Variants in PCDH7 observed in about 807,000 individuals in gnomAD.
The protein encoded by PCDH7 is protocadherin-7.
PCDH7 carries 17 observed loss-of-function variants against 58.9 expected under a neutral mutation model. The ratio of observed to expected loss-of-function variants is 0.29; its 90% CI spans 0.20 to 0.43. The LOEUF is 0.43. PCDH7 is among the 20% of genes least tolerant of loss of function. The probability of loss-of-function intolerance (pLI) is 1.00; values close to 1 mark genes in which losing one functional copy is unlikely to be tolerated. For synonymous variants in PCDH7, 664 were observed against 616.4 expected (o/e 1.08, Z -1.14); for missense variants, 1,274 against 1,441.0 (o/e 0.88, Z 1.88).
chr4:30,791,341 T>C (rs1482115300), intron 1 of PCDH7, among the ~76,000 whole-genome samples: 1 of 152,232 alleles, frequency 6.6e-6, no homozygotes, highest in African/African-American at 2.4e-5. Flanking sequence ...CCTCCATTTC[T>C]TCATATTTTA....
At chr4:30,752,634 T>TG (rs1488117179) in intron 1 of PCDH7, among the ~76,000 whole-genome samples, 1 of 148,486 alleles carries the variant, frequency 6.7e-6, no homozygotes, top group Admixed American at 6.7e-5. Flanking sequence ...GACTCTTACT[T>TG]TTTTTTTTTT....
intron 3 of PCDH7, among the ~76,000 whole-genome samples, chr4:31,061,086 C>T (rs2109237785): frequency 6.6e-6 from 1 of 151,764 alleles, no homozygotes; most frequent in Middle Eastern, 3.4e-3. Context: ...TGCCTGTCCC[C>T]TGTTTACTGA....
chr4:31,094,702 A>C lies in PCDH7; in HGVS notation c.*8-47771A>C, dbSNP rs535900945. Among the ~76,000 whole-genome samples, 30 of 152,204 alleles carry C rather than the reference A, an allele frequency of 2.0e-4. 1 individual carries two copies. Among genetic ancestry groups the C allele is most frequent in the Middle Eastern group, 3.4e-3 (1 of 294 alleles). On this transcript the variant is annotated intron_variant, in intron 3 of 3. Transcript: ENST00000509759. ...CCTGCCCTTCGTCCAGATACCACTG[A>C]TAGGAAACACATAAACAAACAAAAA...
chr4:30,781,297 C>T (rs1278430196), intron 1 of PCDH7, among the ~76,000 whole-genome samples: 2 of 151,502 alleles, frequency 1.3e-5, no homozygotes, highest in East Asian at 2.0e-4. Flanking sequence ...CCCACCACCA[C>T]GCCTGGCTAA....
intron 1 of PCDH7, among the ~76,000 whole-genome samples, chr4:30,894,016 A>T (rs954283835): frequency 6.6e-6 from 1 of 152,146 alleles, no homozygotes; most frequent in African/African-American, 2.4e-5. Flanking sequence ...CAGATACTGG[A>T]GAACTGAATG....
intron 3 of PCDH7, among the ~76,000 whole-genome samples, chr4:31,058,185 AACAC>A (rs10565780): frequency 6.6e-6 from 1 of 151,960 alleles, no homozygotes; most frequent in South Asian, 2.1e-4. Context: ...CTCAACAAAC[AACAC>A]ACACACGCAA....
chr4:30,981,134 G>A (rs533685718), intron 3 of PCDH7, among the ~76,000 whole-genome samples: 9 of 152,288 alleles, frequency 5.9e-5, no homozygotes, highest in Non-Finnish European at 1.0e-4. Context: ...GAGGCACTGC[G>A]CCTGGCCTAT....
rs78664573 is a variant in PCDH7 at position 31,053,600 on chromosome 4, A to C, written c.*8-88873A>C. On this transcript the variant is annotated intron_variant, in intron 3 of 3. Coordinates refer to the PCDH7 transcript ENST00000509759. ...AAATGAAAATAAAAAATAAAAAATC[A>C]GTTTGATTTCTTTATCTTCTGCTGA... is the stretch of plus-strand genomic sequence containing the variant. Among the ~76,000 whole-genome samples the C allele has an allele frequency of 9.7e-3, 1,477 of 152,172 alleles. 20 individuals are homozygous for C. The highest frequency in any genetic ancestry group is 0.034 in the African/African-American group (1,419 of 41,516).
At chr4:31,129,891 G>T (rs903241373) in intron 3 of PCDH7, among the ~76,000 whole-genome samples, 1 of 151,786 alleles carries the variant, frequency 6.6e-6, no homozygotes, top group Non-Finnish European at 1.5e-5. Flanking sequence ...GCCTCCCAAA[G>T]TGTTGGGATT....
At chr4:30,991,684 G>T (rs1268896804) in intron 3 of PCDH7, among the ~76,000 whole-genome samples, 1 of 152,006 alleles carries the variant, frequency 6.6e-6, no homozygotes, top group African/African-American at 2.4e-5. Context: ...ACTGGTCATC[G>T]TTCTTTTGGA....
chr4:31,079,480 C>T (rs1363260196), intron 3 of PCDH7, among the ~76,000 whole-genome samples: 1 of 150,472 alleles, frequency 6.6e-6, no homozygotes, highest in African/African-American at 2.4e-5. Context: ...TTGATTGGAG[C>T]TGCATTTAAA....
chr4:30,742,530 G>T (rs1001367920), intron 1 of PCDH7, among the ~76,000 whole-genome samples: 6 of 152,150 alleles, frequency 3.9e-5, no homozygotes, highest in Non-Finnish European at 8.8e-5. Flanking sequence ...CTTTAGAAAT[G>T]CTGGGTTCTA....
Position 30,835,495 on chromosome 4 carries a change from C to T in PCDH7, c.71-84658C>T, listed in dbSNP as rs567569787. Among the ~76,000 whole-genome samples the T allele has an allele frequency of 3.9e-5, 6 of 152,138 alleles. No individual in the cohort carries two copies. In the South Asian group the frequency reaches 1.0e-3, roughly 26 times the overall value. ...CATCTCCCACCCACCAGCCTTCGTT[C>T]GAGGAAAAATTGTCTTCCAGGAAAC... On this transcript the variant is annotated intron_variant, in intron 1 of 3. Transcript: ENST00000509759.
At chr4:31,079,314 A>G (rs1483317386) in intron 3 of PCDH7, among the ~76,000 whole-genome samples, 1 of 5,862 alleles carries the variant, frequency 1.7e-4, no homozygotes, top group Non-Finnish European at 3.4e-4. Context: ...TGGAAGATAT[A>G]TATATATATA....
intron 3 of PCDH7, among the ~76,000 whole-genome samples, chr4:31,096,396 A>C (rs1713988454): frequency 6.6e-6 from 1 of 152,138 alleles, no homozygotes; most frequent in Non-Finnish European, 1.5e-5. Flanking sequence ...ATTAGGAAGC[A>C]ATTGAGGGAT....
intron 1 of PCDH7, among the ~76,000 whole-genome samples, chr4:30,755,352 AG>A (rs555481825): frequency 2.0e-3 from 305 of 152,316 alleles, no homozygotes; most frequent in African/African-American, 7.2e-3. Context: ...AGAAATTTAC[AG>A]GGAAAACCCT....
intron 3 of PCDH7, among the ~76,000 whole-genome samples, chr4:31,050,948 T>C (rs1560603873): frequency 1.3e-5 from 2 of 152,196 alleles, no homozygotes; most frequent in Non-Finnish European, 2.9e-5. Flanking sequence ...TTGTCTATCC[T>C]CTGCTATGCT....
rs571539926 is a variant in PCDH7, at chr4:30,961,420, C to T, written c.*7+11205C>T. Among the ~76,000 whole-genome samples the T allele has an allele frequency of 8.6e-5, 13 of 151,368 alleles. No homozygotes were observed. In the South Asian group the frequency reaches 1.3e-3, roughly 15 times the overall value. ...AAAAAAAATTTGCCAGGTGTGGTAG[C>T]GGGTGCCTGTAGTCCCACCTACTGG... is the stretch of plus-strand genomic sequence containing the variant. On this transcript the variant is annotated intron_variant, in intron 3 of 3. Coordinates refer to the PCDH7 transcript ENST00000509759.
chr4:30,810,872 C>A (rs1265989758), intron 1 of PCDH7, among the ~76,000 whole-genome samples: 2 of 152,210 alleles, frequency 1.3e-5, no homozygotes, highest in East Asian at 3.9e-4. Context: ...GGCCTCCCAA[C>A]GTGCTGAGAT....
Sources: allele counts gnomAD v4.1 joint callset (sites outside exome capture counted in the v4.1 genomes callset), GRCh38; gene constraint gnomAD v4.1.1; transcripts MANE v1.5; gene names NCBI Gene and HGNC (gene_info 2026-07-23, HGNC 2026-07-21).